UVSSA: variants seen among roughly 807,000 people sequenced by gnomAD.
UVSSA encodes UV stimulated scaffold protein A.
In UVSSA, 72 loss-of-function variants were observed where a neutral mutation model predicts 73.9. That is an observed-to-expected ratio of 0.97 (90% CI 0.81 to 1.19). The LOEUF (loss-of-function observed/expected upper bound fraction) is 1.19, where lower values mean the gene tolerates loss of function less well. UVSSA is among the 50% of genes most tolerant of loss of function. The pLI is 0.00. For missense variants in UVSSA, 1,150 were observed against 965.0 expected (o/e 1.19, Z -2.54); for synonymous variants, 454 against 391.3 (o/e 1.16, Z -1.89).
chr4:1,370,931 G>A (rs1382578902), intron 8 of UVSSA, among the ~76,000 whole-genome samples: 5 of 152,198 alleles, frequency 3.3e-5, no homozygotes, highest in African/African-American at 1.2e-4. Context: ...CCTGAGCAAG[G>A]CCCTTTGTCC....
rs373112434 is a variant in UVSSA, at chr4:1,385,943, T to C, written c.2112T>C (p.Phe704=). 17 of 1,613,788 alleles carry C rather than the reference T, an allele frequency of 1.1e-5. No individual in the cohort carries two copies. The highest frequency in any genetic ancestry group is 1.0e-4 in the Admixed American group (6 of 60,002). ...QKKHEKFSNQ[F]NYALN ...AGCACGAGAAGTTTTCAAACCAGTT[T>C]AACTACGCACTGAACTAGAGAGCGG... Residue 704 remains phenylalanine (F), a synonymous_variant, in exon 14 of 14, where the codon TTT becomes TTC. Transcript: ENST00000389851.
At chr4:1,361,615 T>C (rs1438306961) in intron 7 of UVSSA, among the ~76,000 whole-genome samples, 1 of 152,332 alleles carries the variant, frequency 6.6e-6, no homozygotes, top group East Asian at 1.9e-4. Context: ...CTCCGTCCTC[T>C]CAAGGTGCGT....
upstream of UVSSA, among the ~76,000 whole-genome samples, chr4:1,343,262 C>G (rs1157942370): frequency 3.3e-5 from 5 of 152,152 alleles, no homozygotes; most frequent in East Asian, 9.6e-4. Flanking sequence ...TGGTGGACTT[C>G]CTCCTGTGCA....
At chr4:1,394,801 T>A (rs1720489193) in exon 14 of UVSSA, 2 of 1,496,234 alleles carry the variant, frequency 1.3e-6, no homozygotes. Flanking sequence ...TGCCACCTGC[T>A]CACACACGTG....
rs141273587 is a variant in UVSSA, at chr4:1,348,504, G to A, written c.98+315G>A. 1.7e-3 allele frequency among the ~76,000 whole-genome samples: 253 copies of A among 152,362 alleles called. 2 individuals are homozygous for A. Among genetic ancestry groups the A allele is most frequent in the African/African-American group, 5.7e-3 (236 of 41,580 alleles). On this transcript the variant is annotated intron_variant, in intron 2 of 13. Transcript: ENST00000389851. ...AGAAACGTGCATCTTTTTCTTTGCT[G>A]CTGGACTTTTCGAAGGGAAAGAATA...
chr4:1,354,596 G>C (rs551413991), intron 5 of UVSSA, 139 bp from the exon 6 acceptor site: 219 of 669,566 alleles, frequency 3.3e-4, no homozygotes, highest in African/African-American at 3.0e-3. Context: ...CATCAGGTTT[G>C]GGATTCCCGG....
chr4:1,380,776 A>T, intron 11 of UVSSA, 104 bp from the exon 12 acceptor site: 1 of 1,582,832 alleles, frequency 6.3e-7, no homozygotes, highest in Admixed American at 1.8e-5. Context: ...CTGTGATACC[A>T]CCCACCCTGG....
chr4:1,395,567 C>T (rs770653730), exon 14 of UVSSA: 7 of 1,606,496 alleles, frequency 4.4e-6, no homozygotes. Flanking sequence ...GGAGTGCCCG[C>T]CTGCTCACAC....
intron 8 of UVSSA, among the ~76,000 whole-genome samples, chr4:1,374,689 CGGAG>C (rs1349913702): frequency 6.6e-6 from 1 of 152,206 alleles, no homozygotes; most frequent in Non-Finnish European, 1.5e-5. Context: ...GCCTGGCAGA[CGGAG>C]GGAGTTGCCA....
At chr4:1,388,322 T>C (rs1273515117), downstream of UVSSA, 1 of 152,238 alleles carries the variant, frequency 6.6e-6, no homozygotes, top group Non-Finnish European at 1.5e-5. Flanking sequence ...GACTTTTGTG[T>C]ATTGATCTTG....
At chr4:1,357,366 T>A (rs1032986710) in intron 7 of UVSSA, among the ~76,000 whole-genome samples, 1 of 152,252 alleles carries the variant, frequency 6.6e-6, no homozygotes, top group Non-Finnish European at 1.5e-5. Context: ...GCCAGGTGGC[T>A]CTTCTTGGCC....
intron 7 of UVSSA, among the ~76,000 whole-genome samples, chr4:1,364,892 G>A (rs1298897289): frequency 6.6e-6 from 1 of 152,182 alleles, no homozygotes. Context: ...CCGCCCTGCT[G>A]TGCTGAGCCC....
At chr4:1,373,227 G>A (rs547177422) in intron 8 of UVSSA, among the ~76,000 whole-genome samples, 1 of 152,258 alleles carries the variant, frequency 6.6e-6, no homozygotes, top group South Asian at 2.1e-4. Flanking sequence ...GGTCCCACAA[G>A]AGGCCATCTC....
intron 7 of UVSSA, among the ~76,000 whole-genome samples, chr4:1,362,765 C>T (rs1052227046): frequency 2.0e-5 from 3 of 152,146 alleles, no homozygotes; most frequent in Non-Finnish European, 4.4e-5. Flanking sequence ...TGTGGGACCA[C>T]GTGGAAGGGG....
At chr4:1,375,999 C>G in intron 9 of UVSSA, 35 bp from the exon 10 acceptor site, 6 of 1,569,740 alleles carry the variant, frequency 3.8e-6, no homozygotes, top group Non-Finnish European at 5.2e-6. Context: ...GTGGCACCAG[C>G]AGCACCGTCA....
Position 1,386,068 on chromosome 4 carries a change from T to C in UVSSA, c.*107T>C, listed in dbSNP as rs1720086541. ...GCAGTAACCATGCTTTGTCTATTAC[T>C]GTGTTTGATGTAAAGAAATGGTGTG... is the stretch of plus-strand genomic sequence containing the variant. On this transcript the variant is annotated 3_prime_UTR_variant, in exon 14 of 14. Coordinates refer to ENST00000389851, the MANE Select transcript of UVSSA (RefSeq NM_020894.4). 4 of 1,139,068 alleles carry C rather than the reference T, an allele frequency of 3.5e-6. No individual in the cohort carries two copies. Among genetic ancestry groups the C allele is most frequent in the Non-Finnish European group, 3.9e-6 (3 of 767,160 alleles). The allele number at this position is 1,139,068 out of a possible 1,614,324, so 70.6% of individuals were successfully genotyped here.
In UVSSA at chr4:1,386,120, TCTG is replaced by T. The variant is rs766498340; in HGVS notation, c.*165_*167del. The T allele has an allele frequency of 8.8e-4, 679 of 774,208 alleles. 3 individuals are homozygous for T. Among genetic ancestry groups the T allele is most frequent in the South Asian group, 1.4e-3 (84 of 59,030 alleles). 48.0% of individuals were successfully genotyped at this position (774,208 alleles called of 1,614,324 possible). A position where few individuals can be genotyped will look rare whatever the true frequency, so the allele number is the denominator to read the frequency against. On this transcript the variant is annotated 3_prime_UTR_variant, in exon 14 of 14. Coordinates refer to ENST00000389851, the MANE Select transcript of UVSSA (RefSeq NM_020894.4). ...TGCAATGCCCTGAAGGTACGGCCGC[TCTG>T]CTGCTACAGGGTTCGGCATCGTCTG...
chr4:1,355,620 C>T (rs565316405), intron 7 of UVSSA, among the ~76,000 whole-genome samples: 5 of 152,332 alleles, frequency 3.3e-5, no homozygotes, highest in Admixed American at 1.3e-4. Context: ...AGGAGAGACC[C>T]TCGGCAAACC....
At chr4:1,343,359 CCT>C (rs1019345162), upstream of UVSSA, among the ~76,000 whole-genome samples, 11 of 152,044 alleles carry the variant, frequency 7.2e-5, no homozygotes, top group African/African-American at 2.4e-4. Flanking sequence ...TTAACGTTCC[CCT>C]CTTTAAAGGC....
Sources: gnomAD v4.1 joint callset for allele counts (sites outside exome capture counted in the v4.1 genomes callset) on GRCh38, gnomAD v4.1.1 for gene constraint, MANE v1.5 for transcripts, NCBI Gene and HGNC (gene_info 2026-07-23, HGNC 2026-07-21) for gene names.